The following MAGI3 variants were observed in gnomAD, a reference collection of about 807,000 sequenced individuals.
The protein encoded by MAGI3 is membrane-associated guanylate kinase, WW and PDZ domain-containing protein 3.
MAGI3 carries 43 observed loss-of-function variants against 121.8 expected under a neutral mutation model. The observed-to-expected ratio is 0.35, with a 90% CI of 0.28 to 0.46. The LOEUF (loss-of-function observed/expected upper bound fraction) is 0.46, where lower values mean the gene tolerates loss of function less well. MAGI3 is among the 20% of genes least tolerant of loss of function. The pLI is 1.00. For synonymous variants in MAGI3, 553 were observed against 639.3 expected (o/e 0.86, Z 2.04); for missense variants, 1,547 against 1,797.3 (o/e 0.86, Z 2.52).
intron 1 of MAGI3, among the ~76,000 whole-genome samples, chr1:113,525,450 A>G (rs1001647563): frequency 6.6e-6 from 1 of 151,750 alleles, no homozygotes; most frequent in Admixed American, 6.6e-5. Flanking sequence ...TGAAAACTGC[A>G]CATACTGATT....
At chr1:113,584,207 A>C (rs982569524) in intron 3 of MAGI3, among the ~76,000 whole-genome samples, 11 of 152,176 alleles carry the variant, frequency 7.2e-5, no homozygotes, top group African/African-American at 2.4e-4. Context: ...AATCATATAT[A>C]TATTTCTCTA....
At chr1:113,623,363 T>C (rs1219506754) in intron 9 of MAGI3, among the ~76,000 whole-genome samples, 1 of 151,768 alleles carries the variant, frequency 6.6e-6, no homozygotes, top group East Asian at 1.9e-4. Flanking sequence ...CACCCTATTG[T>C]GTTATCAAAA....
chr1:113,524,523 GC>G (rs1437251211), intron 1 of MAGI3, among the ~76,000 whole-genome samples: 1 of 152,030 alleles, frequency 6.6e-6, no homozygotes, highest in Non-Finnish European at 1.5e-5. Flanking sequence ...TAATTTTGGA[GC>G]TTTAAGATTT....
At chr1:113,639,947 T>C (rs1202912250) in intron 9 of MAGI3, among the ~76,000 whole-genome samples, 1 of 152,162 alleles carries the variant, frequency 6.6e-6, no homozygotes, top group Non-Finnish European at 1.5e-5. Flanking sequence ...TCAGGTGTAC[T>C]GGGATTACAG....
intron 9 of MAGI3, among the ~76,000 whole-genome samples, chr1:113,634,610 C>A (rs1651883368): frequency 6.6e-6 from 1 of 152,108 alleles, no homozygotes; most frequent in Non-Finnish European, 1.5e-5. Context: ...GTTTTGGTAC[C>A]AGTACCATGC....
chr1:113,465,603 T>C (rs775362859), intron 1 of MAGI3, among the ~76,000 whole-genome samples: 1 of 152,170 alleles, frequency 6.6e-6, no homozygotes, highest in Non-Finnish European at 1.5e-5. Flanking sequence ...AGTATGGACA[T>C]AGTAACAATA....
At chr1:113,551,019 C>CT (rs1208624080) in intron 2 of MAGI3, among the ~76,000 whole-genome samples, 2 of 150,174 alleles carry the variant, frequency 1.3e-5, no homozygotes, top group Non-Finnish European at 3.0e-5. Context: ...GGAATAATTT[C>CT]TTTTTTCCCT....
intron 6 of MAGI3, among the ~76,000 whole-genome samples, chr1:113,614,220 T>C (rs1348361254): frequency 6.6e-6 from 1 of 152,122 alleles, no homozygotes; most frequent in East Asian, 1.9e-4. Context: ...AAAATGACTA[T>C]GTATAATAGT....
In MAGI3 at chr1:113,575,437, TAGTC is replaced by T. The variant is rs1432270905; in HGVS notation, c.434-5102_434-5099del. 5.3e-5 allele frequency among the ~76,000 whole-genome samples: 8 copies of T among 152,342 alleles called. No individual in the cohort carries two copies. The East Asian group carries it at 1.3e-3, about 26-fold the overall frequency. On this transcript the variant is annotated intron_variant, in intron 2 of 20. Coordinates refer to ENST00000307546, the MANE Select transcript of MAGI3 (RefSeq NM_001142782.2). ...TTCTGTTTGTTAGTTTCCCTTCTAA[TAGTC>T]AGGCCCCTCTTCTGCAGGTCTGCTG...
intron 9 of MAGI3, among the ~76,000 whole-genome samples, chr1:113,636,349 TCTTTTGTGGGCATTTCA>T (rs1652022274): frequency 1.3e-5 from 2 of 152,254 alleles, no homozygotes; most frequent in Admixed American, 6.5e-5. Context: ...TTTCCTGCTT[TCTTTTGTGGGCATTTCA>T]TGCTATAAAT....
chr1:113,424,191 ACCCCCGCCGCCTGCC>A (rs894044419), intron 1 of MAGI3, among the ~76,000 whole-genome samples: 1 of 142,830 alleles, frequency 7.0e-6, no homozygotes, highest in African/African-American at 2.6e-5. Flanking sequence ...AGCTCCAGCC[ACCCCCGCCGCCTGCC>A]CCCCCGCCCC....
At chr1:113,514,625 T>C (rs1239892236) in intron 1 of MAGI3, among the ~76,000 whole-genome samples, 1 of 135,876 alleles carries the variant, frequency 7.4e-6, no homozygotes, top group Non-Finnish European at 1.6e-5. Flanking sequence ...AGGACTGTTG[T>C]GGGGTGTGGG....
intron 6 of MAGI3, among the ~76,000 whole-genome samples, chr1:113,596,076 T>C (rs1648990155): frequency 6.6e-6 from 1 of 151,604 alleles, no homozygotes; most frequent in Non-Finnish European, 1.5e-5. Flanking sequence ...TGACAAGATA[T>C]ATTCTGTTCA....
intron 1 of MAGI3, among the ~76,000 whole-genome samples, chr1:113,421,859 G>A (rs1477010159): frequency 6.6e-6 from 1 of 151,054 alleles, no homozygotes; most frequent in Non-Finnish European, 1.5e-5. Flanking sequence ...AAACCACCTT[G>A]ATTTTTTTTT....
At chr1:113,676,729 C>T (rs1461090093) in intron 19 of MAGI3, among the ~76,000 whole-genome samples, 5 of 152,076 alleles carry the variant, frequency 3.3e-5, no homozygotes, top group African/African-American at 1.2e-4. Flanking sequence ...ACTCGCACCA[C>T]GGAGCCACCT....
intron 1 of MAGI3, among the ~76,000 whole-genome samples, chr1:113,506,471 C>G (rs182772959): frequency 1.3e-5 from 2 of 150,330 alleles, no homozygotes; most frequent in Non-Finnish European, 3.0e-5. Context: ...ATTTCATATT[C>G]TCTCAGAACT....
intron 14 of MAGI3, among the ~76,000 whole-genome samples, chr1:113,651,454 A>G (rs568894709): frequency 6.6e-6 from 1 of 152,230 alleles, no homozygotes; most frequent in South Asian, 2.1e-4. Flanking sequence ...CATTTTGCAA[A>G]TGTATTATAG....
At chr1:113,561,565 C>G (rs570627554) in intron 2 of MAGI3, among the ~76,000 whole-genome samples, 5 of 151,996 alleles carry the variant, frequency 3.3e-5, no homozygotes, top group Admixed American at 2.0e-4. Flanking sequence ...ATTTAACAAC[C>G]CTTCAGGTTA....
chr1:113,487,523 T>A (rs1224561342), intron 1 of MAGI3, among the ~76,000 whole-genome samples: 1 of 152,088 alleles, frequency 6.6e-6, no homozygotes, highest in African/African-American at 2.4e-5. Flanking sequence ...GTTCCAGTAA[T>A]GGAACACTAG....
Sources: gnomAD v4.1 joint callset for allele counts (sites outside exome capture counted in the v4.1 genomes callset) on GRCh38, gnomAD v4.1.1 for gene constraint, MANE v1.5 for transcripts, NCBI Gene and HGNC (gene_info 2026-07-23, HGNC 2026-07-21) for gene names.